The following MYT1L variants were observed in gnomAD, a reference collection of about 807,000 sequenced individuals.
MYT1L encodes the protein myelin transcription factor 1 like, also known as myelin transcription factor 1-like protein.
MYT1L carries 12 observed loss-of-function variants against 126.7 expected under a neutral mutation model. That is an observed-to-expected ratio of 0.09 (90% CI 0.06 to 0.15). The LOEUF is 0.15. Ranked by LOEUF, MYT1L falls within the 10% of genes least tolerant of loss-of-function variation. The pLI is 1.00. For missense variants in MYT1L, 979 were observed against 1,585.2 expected (o/e 0.62, Z 6.49); for synonymous variants, 541 against 604.2 (o/e 0.90, Z 1.53).
chr2:2,106,168 C>T (rs55663119), intron 3 of MYT1L, among the ~76,000 whole-genome samples: 2,978 of 152,242 alleles, frequency 0.02, 85 homozygotes, highest in African/African-American at 0.064. Context: ...AAAGACAGGG[C>T]GAGCTTCCTT....
chr2:1,956,053 C>G (rs200353003), intron 8 of MYT1L, among the ~76,000 whole-genome samples: 19 of 106,254 alleles, frequency 1.8e-4, no homozygotes, highest in Admixed American at 6.8e-4. Flanking sequence ...ATCTATGTAT[C>G]TATCTATCTA....
At chr2:2,267,773 C>T (rs371916774) in intron 2 of MYT1L, among the ~76,000 whole-genome samples, 1 of 152,004 alleles carries the variant, frequency 6.6e-6, no homozygotes, top group African/African-American at 2.4e-5. Flanking sequence ...TGCCTGGATC[C>T]GTCAAGCTAC....
intron 3 of MYT1L, among the ~76,000 whole-genome samples, chr2:2,170,182 C>G (rs2089820278): frequency 6.6e-6 from 1 of 152,192 alleles, no homozygotes; most frequent in Non-Finnish European, 1.5e-5. Context: ...TTGCAAGGAT[C>G]TGCTCACCCA....
In MYT1L at chr2:2,250,988, T is replaced by C. The variant is rs531820373; in HGVS notation, c.-421+33416A>G. On this transcript the variant is annotated intron_variant, in intron 2 of 24. Coordinates refer to ENST00000647738, the MANE Select transcript of MYT1L (RefSeq NM_001303052.2). ...ATGTTAAATAGATTATGATCAGTTC[T>C]GCAAACAAAATATTTTGCCGACTTA... Among the ~76,000 whole-genome samples the C allele has an allele frequency of 3.9e-5, 6 of 152,312 alleles. No homozygotes were observed. In the East Asian group the frequency reaches 1.2e-3, roughly 29 times the overall value.
intron 18 of MYT1L, among the ~76,000 whole-genome samples, chr2:1,872,767 T>C (rs2046423857): frequency 6.6e-6 from 1 of 152,242 alleles, no homozygotes; most frequent in Non-Finnish European, 1.5e-5. Flanking sequence ...ACCTGTCTTT[T>C]CTGGGATTTA....
At chr2:1,978,097 TG>T (rs1273320721) in intron 8 of MYT1L, among the ~76,000 whole-genome samples, 1 of 152,186 alleles carries the variant, frequency 6.6e-6, no homozygotes, top group African/African-American at 2.4e-5. Flanking sequence ...AATGCTAGAA[TG>T]GGGATTTGGG....
At chr2:1,915,250 G>A (rs1044707812) in intron 11 of MYT1L, among the ~76,000 whole-genome samples, 5 of 152,226 alleles carry the variant, frequency 3.3e-5, no homozygotes, top group African/African-American at 1.2e-4. Context: ...TTCTCTAATT[G>A]TTTTAGTAAA....
At chr2:2,170,685 A>G (rs1396884111) in intron 3 of MYT1L, among the ~76,000 whole-genome samples, 2 of 152,218 alleles carry the variant, frequency 1.3e-5, no homozygotes, top group Non-Finnish European at 2.9e-5. Flanking sequence ...TCTATCACCC[A>G]TTTACTAAAG....
At chr2:2,188,849 C>T (rs1038113869) in intron 2 of MYT1L, among the ~76,000 whole-genome samples, 4 of 150,732 alleles carry the variant, frequency 2.7e-5, no homozygotes, top group Non-Finnish European at 4.4e-5. Context: ...TTGAAATCCA[C>T]TTCCAAGGCA....
At chr2:2,281,517 A>C (rs2095446283) in intron 2 of MYT1L, among the ~76,000 whole-genome samples, 1 of 152,218 alleles carries the variant, frequency 6.6e-6, no homozygotes, top group South Asian at 2.1e-4. Flanking sequence ...CAACTAGCTC[A>C]TGTAAGTGGT....
intron 3 of MYT1L, among the ~76,000 whole-genome samples, chr2:2,097,515 C>T (rs1052334446): frequency 1.3e-5 from 2 of 152,128 alleles, no homozygotes; most frequent in African/African-American, 2.4e-5. Context: ...ACAAGATTAG[C>T]AAAAGTAACA....
intron 4 of MYT1L, among the ~76,000 whole-genome samples, chr2:2,043,405 AG>A (rs1255918182): frequency 6.6e-6 from 1 of 152,244 alleles, no homozygotes; most frequent in Non-Finnish European, 1.5e-5. Context: ...AGAAATTAAA[AG>A]GGGCCTCAGA....
At chr2:1,821,207 C>T (rs543068143) in intron 21 of MYT1L, among the ~76,000 whole-genome samples, 1 of 152,268 alleles carries the variant, frequency 6.6e-6, no homozygotes, top group Admixed American at 6.5e-5. Flanking sequence ...TGGGGATTTT[C>T]CTTGTTTTCT....
intron 1 of MYT1L, among the ~76,000 whole-genome samples, chr2:2,295,593 C>CAGAGAGAGAGAGAGAGAGAGACAGAG (rs376553600): frequency 4.8e-5 from 1 of 20,794 alleles, no homozygotes; most frequent in South Asian, 2.1e-3. Flanking sequence ...GACAGACAGA[C>CAGAGAGAGAGAGAGAGAGAGACAGAG]AGAGAGAGAG....
chr2:2,075,650 T>C (rs1252949630), intron 3 of MYT1L, among the ~76,000 whole-genome samples: 1 of 152,242 alleles, frequency 6.6e-6, no homozygotes, highest in Non-Finnish European at 1.5e-5. Context: ...GTTATTCAAC[T>C]ACATATGGTT....
In MYT1L at chr2:2,295,543, G is replaced by GAGAGATAGAGAGACAGACAGACAGAC. The variant is rs1559582784; in HGVS notation, c.-520-11041_-520-11040insGTCTGTCTGTCTGTCTCTCTATCTCT. 6.4e-5 allele frequency among the ~76,000 whole-genome samples: 8 copies of GAGAGATAGAGAGACAGACAGACAGAC among 124,584 alleles called. 2 individuals carry two copies. The highest frequency in any genetic ancestry group is 1.7e-4 in the African/African-American group (6 of 36,000). 81.7% of individuals were successfully genotyped at this position (124,584 alleles called of 152,430 possible). On this transcript the variant is annotated intron_variant, in intron 1 of 24. Transcript: ENST00000647738. ...GAGGAGGTGCAGAGAAAGATAGAGA[G>GAGAGATAGAGAGACAGACAGACAGAC]AGAGAGAGAGAGACAGACAGACAGA...
At chr2:1,920,432 A>G (rs958076941) in intron 10 of MYT1L, among the ~76,000 whole-genome samples, 12 of 152,206 alleles carry the variant, frequency 7.9e-5, no homozygotes, top group Non-Finnish European at 1.6e-4. Context: ...TTCTCTTGAC[A>G]CAGCACACCC....
At chr2:1,962,484 G>C (rs1210780111) in intron 8 of MYT1L, among the ~76,000 whole-genome samples, 1 of 152,208 alleles carries the variant, frequency 6.6e-6, no homozygotes, top group Non-Finnish European at 1.5e-5. Flanking sequence ...ACTGATCTGA[G>C]TGGTGGTTGC....
At chr2:1,942,700 T>C (rs2056790171) in intron 9 of MYT1L, among the ~76,000 whole-genome samples, 1 of 152,216 alleles carries the variant, frequency 6.6e-6, no homozygotes, top group Non-Finnish European at 1.5e-5. Context: ...CCTTGATACA[T>C]TTTGTTAAGC....
Sources: allele counts gnomAD v4.1 joint callset (sites outside exome capture counted in the v4.1 genomes callset), GRCh38; gene constraint gnomAD v4.1.1; transcripts MANE v1.5; gene names NCBI Gene and HGNC (gene_info 2026-07-23, HGNC 2026-07-21).